Variants in ALK observed in about 807,000 individuals in gnomAD.
ALK encodes the protein ALK tyrosine kinase receptor.
Under a neutral mutation model 163.1 loss-of-function variants are expected in ALK, and 74 were observed. The ratio of observed to expected loss-of-function variants is 0.45; its 90% confidence interval spans 0.38 to 0.55. ALK has a LOEUF of 0.55. Among genes scored for constraint, ALK ranks in the 20% least tolerant of loss-of-function variants. The probability of loss-of-function intolerance (pLI) is 0.00; values close to 1 mark genes in which losing one functional copy is unlikely to be tolerated. For synonymous variants in ALK, 960 were observed against 843.2 expected (o/e 1.14, Z -2.40); for missense variants, 2,063 against 2,105.3 (o/e 0.98, Z 0.39).
intron 1 of ALK, among the ~76,000 whole-genome samples, chr2:29,771,616 G>A (rs1681027345): frequency 6.6e-6 from 1 of 151,738 alleles, no homozygotes; most frequent in African/African-American, 2.4e-5. Context: ...CTCACTGTAA[G>A]CTCCACCTCC....
chr2:29,787,275 CT>C (rs1207299308), intron 1 of ALK, among the ~76,000 whole-genome samples: 1 of 152,168 alleles, frequency 6.6e-6, no homozygotes, highest in Non-Finnish European at 1.5e-5. Flanking sequence ...AATACATGTA[CT>C]TACTATGTCC....
intron 1 of ALK, among the ~76,000 whole-genome samples, chr2:29,757,593 T>TTGTGTGTGTG (rs35768373): frequency 4.7e-5 from 7 of 148,232 alleles, no homozygotes; most frequent in African/African-American, 9.9e-5. Context: ...TTTTGTTTGT[T>TTGTGTGTGTG]TGTGTGTGTG....
intron 11 of ALK, among the ~76,000 whole-genome samples, chr2:29,251,486 C>A (rs1301162033): frequency 1.3e-5 from 2 of 152,332 alleles, no homozygotes; most frequent in Admixed American, 1.3e-4. Flanking sequence ...AAAGATGGGG[C>A]AGACTTAAGA....
intron 5 of ALK, among the ~76,000 whole-genome samples, chr2:29,342,651 T>A (rs571872519): frequency 2.6e-5 from 4 of 152,220 alleles, no homozygotes; most frequent in African/African-American, 4.8e-5. Context: ...TAAGCCCTAA[T>A]GAAGACTGTA....
chr2:29,231,437 C>T (rs1299849025), intron 15 of ALK, among the ~76,000 whole-genome samples: 1 of 152,226 alleles, frequency 6.6e-6, no homozygotes, highest in Admixed American at 6.5e-5. Flanking sequence ...ATTGGCTCTC[C>T]TGTAAAACAG....
intron 11 of ALK, among the ~76,000 whole-genome samples, chr2:29,269,464 G>A (rs1480508908): frequency 6.6e-6 from 1 of 152,112 alleles, no homozygotes; most frequent in Admixed American, 6.5e-5. Flanking sequence ...TCACAAATTA[G>A]TTCTTTGCCA....
chr2:29,674,722 A>C (rs1257601284), intron 3 of ALK, among the ~76,000 whole-genome samples: 1 of 150,402 alleles, frequency 6.6e-6, no homozygotes, highest in Non-Finnish European at 1.5e-5. Flanking sequence ...CTCTTTTTCT[A>C]TTGATTGGAA....
At chr2:29,440,040 T>G (rs538227946) in intron 4 of ALK, among the ~76,000 whole-genome samples, 3 of 151,802 alleles carry the variant, frequency 2.0e-5, no homozygotes, top group Non-Finnish European at 4.4e-5. Flanking sequence ...GAGACCAGCC[T>G]GGCCAACATG....
intron 9 of ALK, among the ~76,000 whole-genome samples, chr2:29,291,125 G>A (rs964469845): frequency 6.6e-6 from 1 of 152,190 alleles, no homozygotes; most frequent in Non-Finnish European, 1.5e-5. Flanking sequence ...CAGTTTGGGA[G>A]GCCCAGGCAA....
At chr2:29,369,326 G>A (rs551803335) in intron 5 of ALK, among the ~76,000 whole-genome samples, 1 of 151,362 alleles carries the variant, frequency 6.6e-6, no homozygotes, top group Non-Finnish European at 1.5e-5. Context: ...GTGTGTGTGT[G>A]TGTGTGTGTT....
intron 8 of ALK, among the ~76,000 whole-genome samples, chr2:29,304,168 A>ACTGATG (rs1431900697): frequency 5.3e-5 from 8 of 152,278 alleles, no homozygotes; most frequent in Admixed American, 4.6e-4. Flanking sequence ...TGGTCCTCAG[A>ACTGATG]CTGGTAGCAT....
intron 1 of ALK, among the ~76,000 whole-genome samples, chr2:29,721,933 A>T (rs1679434305): frequency 6.6e-6 from 1 of 152,212 alleles, no homozygotes; most frequent in Non-Finnish European, 1.5e-5. Context: ...CTTAAATCCA[A>T]CAAAATCTAG....
At position 29,232,400 on chromosome 2, in the gene ALK, C is replaced by T. The variant is rs1558629763; in HGVS notation, c.2536G>A (p.Gly846Ser). 8 of 1,614,258 alleles carry T rather than the reference C, an allele frequency of 5.0e-6. No individual in the cohort carries two copies. The highest frequency in any genetic ancestry group is 1.1e-5 in the South Asian group (1 of 91,084). Reference protein sequence around the residue: ...VPLIIAAGGGGRAYGAKTDTF... With the variant: ...VPLIIAAGGGSRAYGAKTDTF... ...TCTGTCTTGGCCCCGTAGGCCCTGC[C>T]ACCACCTCCGGCTGCAATGATCAGG... The change falls in exon 15 of 29, where the codon GGC becomes AGC. Residue 846 changes from glycine (G) to serine (S), a missense_variant. Gly to Ser is a moderately conservative substitution (Grantham distance 56). This residue lies in a region of ALK where 575 missense variants were observed against 626.6 expected (regional missense o/e 0.92). Transcript: ENST00000389048.
chr2:29,730,431 A>T (rs1679708966), intron 1 of ALK, among the ~76,000 whole-genome samples: 1 of 152,182 alleles, frequency 6.6e-6, no homozygotes, highest in African/African-American at 2.4e-5. Context: ...AAAAAGTGGA[A>T]TTCCACCTCA....
rs1414367674 is a variant in ALK at position 29,251,011 on chromosome 2, C to A, written c.2204+94G>T. ...TCTGTTGCCTTTGAACCTTGACATG[C>A]CTGGGCACCCCAGGAACATGCACCC... On this transcript the variant is annotated intron_variant, in intron 12 of 28. Coordinates refer to ENST00000389048, the MANE Select transcript of ALK (RefSeq NM_004304.5). 29 of 1,360,142 alleles carry A rather than the reference C, an allele frequency of 2.1e-5. No homozygotes were observed. The Admixed American group carries it at 5.5e-4, about 26-fold the overall frequency. 84.3% of individuals were successfully genotyped at this position (1,360,142 alleles called of 1,614,324 possible). A position where few individuals can be genotyped will look rare whatever the true frequency, so the allele number is the denominator to read the frequency against.
intron 3 of ALK, among the ~76,000 whole-genome samples, chr2:29,532,638 A>G (rs1402252621): frequency 6.6e-6 from 1 of 151,964 alleles, no homozygotes; most frequent in Non-Finnish European, 1.5e-5. Context: ...AGCCCTACAA[A>G]TCTCCCCTGT....
At chr2:29,351,441 T>G (rs1231518594) in intron 5 of ALK, among the ~76,000 whole-genome samples, 1 of 152,066 alleles carries the variant, frequency 6.6e-6, no homozygotes, top group Non-Finnish European at 1.5e-5. Context: ...TGCTCACTCC[T>G]CCTCCCTTCA....
chr2:29,495,215 G>A (rs186391354), intron 4 of ALK, among the ~76,000 whole-genome samples: 171 of 152,222 alleles, frequency 1.1e-3, no homozygotes, highest in Admixed American at 9.6e-3. Context: ...TGCCTGCTTC[G>A]TGCTGCAGGA....
chr2:29,567,769 C>T (rs1674236900), intron 3 of ALK, among the ~76,000 whole-genome samples: 1 of 152,184 alleles, frequency 6.6e-6, no homozygotes, highest in South Asian at 2.1e-4. Context: ...CTTCTGAACT[C>T]CCTTTCTAGT....
Sources: gnomAD v4.1 joint callset for allele counts (sites outside exome capture counted in the v4.1 genomes callset) on GRCh38, gnomAD v4.1.1 for gene constraint, gnomAD v4.1.1 regional missense constraint, MANE v1.5 for transcripts, NCBI Gene and HGNC (gene_info 2026-07-23, HGNC 2026-07-21) for gene names.